The following FSTL4 variants were observed in gnomAD, a reference collection of about 807,000 sequenced individuals.
FSTL4 encodes the protein follistatin like 4.
FSTL4 carries 28 observed loss-of-function variants against 78.2 expected under a neutral mutation model. That is an observed-to-expected ratio of 0.36 (90% CI 0.27 to 0.49). The LOEUF (loss-of-function observed/expected upper bound fraction) is 0.49, where lower values mean the gene tolerates loss of function less well. Ranked by LOEUF, FSTL4 falls within the 20% of genes least tolerant of loss-of-function variation. The pLI, the probability that FSTL4 is intolerant of heterozygous loss-of-function variation, is 0.98. For missense variants in FSTL4, 922 were observed against 1,084.9 expected (o/e 0.85, Z 2.11); for synonymous variants, 422 against 440.5 (o/e 0.96, Z 0.53).
chr5:133,300,234 G>A (rs1753502817), intron 6 of FSTL4, among the ~76,000 whole-genome samples: 1 of 152,158 alleles, frequency 6.6e-6, no homozygotes, highest in East Asian at 1.9e-4. Flanking sequence ...AAGGAGACAT[G>A]GTGGCCACAT....
chr5:133,421,191 A>G (rs1200876471), intron 3 of FSTL4, among the ~76,000 whole-genome samples: 3 of 152,228 alleles, frequency 2.0e-5, no homozygotes, highest in Admixed American at 2.0e-4. Flanking sequence ...AGGGCGGGGC[A>G]AGGGTATGGC....
At position 133,403,707 on chromosome 5, in the gene FSTL4, G is replaced by T. The variant is rs537750895; in HGVS notation, c.161-2721C>A. On this transcript the variant is annotated intron_variant, in intron 3 of 15. Coordinates refer to ENST00000265342, the MANE Select transcript of FSTL4 (RefSeq NM_015082.2). ...AGGTATGAGGGGAAGATGGATGTCC[G>T]TGGAGGTGGGTCTTCTGGAGTAAAG... Among the ~76,000 whole-genome samples, 66 of 152,298 alleles carry T rather than the reference G, an allele frequency of 4.3e-4. 1 individual carries two copies. The highest frequency in any genetic ancestry group is 2.2e-3 in the Admixed American group (33 of 15,296).
the FSTL4 span, among the ~76,000 whole-genome samples, chr5:133,680,050 CTTTTA>C: frequency 6.6e-6 from 1 of 152,284 alleles, no homozygotes; most frequent in Non-Finnish European, 1.5e-5. Context: ...CAGGTGTCTT[CTTTTA>C]TTTTGTTTCT....
the FSTL4 span, among the ~76,000 whole-genome samples, chr5:133,654,602 T>G: frequency 6.6e-6 from 1 of 152,214 alleles, no homozygotes; most frequent in Non-Finnish European, 1.5e-5. Context: ...GATGCCTTCA[T>G]GCTACCTTTT....
At chr5:133,823,605 C>T in the FSTL4 span, among the ~76,000 whole-genome samples, 4 of 152,202 alleles carry the variant, frequency 2.6e-5, 1 homozygote, top group Admixed American at 1.3e-4. Flanking sequence ...GGACAGAGTG[C>T]CCCTGTCTCC....
the FSTL4 span, among the ~76,000 whole-genome samples, chr5:133,729,821 A>G: frequency 4.3e-4 from 66 of 152,010 alleles, no homozygotes; most frequent in Non-Finnish European, 2.4e-4. Flanking sequence ...CCACCCCCCA[A>G]TCCTGAGGAG....
chr5:133,343,710 G>T (rs774155066), intron 4 of FSTL4, among the ~76,000 whole-genome samples: 1 of 152,186 alleles, frequency 6.6e-6, no homozygotes, highest in African/African-American at 2.4e-5. Context: ...CATCTACTGG[G>T]TTTCTGTTTA....
intron 3 of FSTL4, among the ~76,000 whole-genome samples, chr5:133,548,242 T>G (rs1046170478): frequency 6.6e-6 from 1 of 152,244 alleles, no homozygotes; most frequent in African/African-American, 2.4e-5. Flanking sequence ...GGTCAGTGTT[T>G]ATAGTCAAGA....
At chr5:133,466,576 G>A (rs1757713605) in intron 3 of FSTL4, among the ~76,000 whole-genome samples, 2 of 151,750 alleles carry the variant, frequency 1.3e-5, no homozygotes, top group Admixed American at 6.6e-5. Context: ...CCAATCCTCA[G>A]GGTTACTCAT....
the FSTL4 span, among the ~76,000 whole-genome samples, chr5:133,746,970 C>T: frequency 6.6e-6 from 1 of 152,178 alleles, no homozygotes; most frequent in Non-Finnish European, 1.5e-5. Flanking sequence ...CTGGCCCAGG[C>T]ATCCTGACGG....
In FSTL4 at chr5:133,236,729, G is replaced by C. The variant is rs1424779684; in HGVS notation, c.895-3192C>G. Reference sequence around the variant, plus strand: ...CCTTGCTGTTGCTCTAGTGTGCCAGGCATGCTCCCCTCCTCCCAGGCTGTC... The same window carrying C: ...CCTTGCTGTTGCTCTAGTGTGCCAGCCATGCTCCCCTCCTCCCAGGCTGTC... On this transcript the variant is annotated intron_variant, in intron 7 of 15. Transcript: ENST00000265342. This position sits in a 1 kb window ranked among gnomAD's most constrained non-coding sequence, Gnocchi z 5.0. Among the ~76,000 whole-genome samples the C allele has an allele frequency of 6.6e-6, 1 of 152,174 alleles. No homozygotes were observed. The highest frequency in any genetic ancestry group is 2.4e-5 in the African/African-American group (1 of 41,442).
At chr5:133,443,751 T>C (rs1466475142) in intron 3 of FSTL4, among the ~76,000 whole-genome samples, 2 of 152,146 alleles carry the variant, frequency 1.3e-5, no homozygotes, top group Admixed American at 6.5e-5. Flanking sequence ...TCCAGCCTCA[T>C]AGGAGGCCCC....
At chr5:133,679,083 G>A in the FSTL4 span, among the ~76,000 whole-genome samples, 1 of 152,266 alleles carries the variant, frequency 6.6e-6, no homozygotes, top group South Asian at 2.1e-4. Flanking sequence ...GAATCTGTGT[G>A]CAGGCTTCCC....
intron 3 of FSTL4, among the ~76,000 whole-genome samples, chr5:133,562,454 T>C (rs946471744): frequency 6.6e-6 from 1 of 152,160 alleles, no homozygotes; most frequent in Non-Finnish European, 1.5e-5. Context: ...AGTGAGGCTC[T>C]AGTTTCACAC....
At chr5:133,678,185 C>A in the FSTL4 span, among the ~76,000 whole-genome samples, 1 of 152,108 alleles carries the variant, frequency 6.6e-6, no homozygotes, top group Admixed American at 6.5e-5. Context: ...TAAACCAATA[C>A]ATGTAGATGA....
At chr5:133,375,079 G>C (rs1379618780) in intron 4 of FSTL4, among the ~76,000 whole-genome samples, 3 of 151,598 alleles carry the variant, frequency 2.0e-5, no homozygotes, top group African/African-American at 7.3e-5. Flanking sequence ...TGGTATTCGA[G>C]GAGTGAGCTG....
the FSTL4 span, among the ~76,000 whole-genome samples, chr5:133,621,217 G>A: frequency 1.3e-5 from 2 of 152,090 alleles, no homozygotes; most frequent in African/African-American, 4.8e-5. Context: ...TGGCTAATAC[G>A]GTGAAACCCT....
chr5:133,259,581 GATCTTGGCTCATGATCAGAAGGAT>G (rs1363224226), intron 6 of FSTL4, among the ~76,000 whole-genome samples: 2 of 144,676 alleles, frequency 1.4e-5, no homozygotes, highest in Non-Finnish European at 3.0e-5. Flanking sequence ...TGCGCGGCAC[GATCTTGGCTCATGATCAGAAGGAT>G]TTTAAGTCAA....
chr5:133,203,291 G>T (rs1750387550), intron 14 of FSTL4, among the ~76,000 whole-genome samples: 1 of 152,220 alleles, frequency 6.6e-6, no homozygotes, highest in Non-Finnish European at 1.5e-5. Flanking sequence ...GCAGCCTGAG[G>T]CTTGGCCTGC....
Sources: allele counts gnomAD v4.1 joint callset (sites outside exome capture counted in the v4.1 genomes callset), GRCh38; gene constraint gnomAD v4.1.1; non-coding constraint Gnocchi (gnomAD v3.1); transcripts MANE v1.5; gene names NCBI Gene and HGNC (gene_info 2026-07-23, HGNC 2026-07-21).